The following FBRSL1 variants were observed in gnomAD, a reference collection of about 807,000 sequenced individuals.
The protein encoded by FBRSL1 is fibrosin like 1, also known as fibrosin-1-like protein.
Under a neutral mutation model 89.6 loss-of-function variants are expected in FBRSL1, and 51 were observed. That is an observed-to-expected ratio of 0.57 (90% CI 0.45 to 0.72). FBRSL1 has a LOEUF of 0.72. Ranked by LOEUF, FBRSL1 falls within the 30% of genes least tolerant of loss-of-function variation. The pLI is 0.00. For missense variants in FBRSL1, 1,618 were observed against 1,451.8 expected (o/e 1.11, Z -1.86); for synonymous variants, 779 against 681.1 (o/e 1.14, Z -2.24).
intron 2 of FBRSL1, among the ~76,000 whole-genome samples, chr12:132,517,380 C>A (rs371911232): frequency 2.6e-5 from 4 of 152,336 alleles, no homozygotes; most frequent in Admixed American, 6.5e-5. Context: ...CGTTCCGGGG[C>A]GAGCATGGCC....
At chr12:132,558,324 C>T (rs897930648) in intron 5 of FBRSL1, among the ~76,000 whole-genome samples, 2 of 152,248 alleles carry the variant, frequency 1.3e-5, no homozygotes, top group African/African-American at 4.8e-5. Flanking sequence ...CAGCCCAGCT[C>T]TGCCACAGAG....
rs1486346823 is a variant in FBRSL1 at position 132,576,852 on chromosome 12, C to T, written c.1755C>T (p.Phe585=). The T allele has an allele frequency of 2.3e-5, 36 of 1,550,860 alleles. No individual in the cohort carries two copies. The highest frequency in any genetic ancestry group is 2.0e-4 in the East Asian group (8 of 40,892). Residue 585 remains phenylalanine (F), a synonymous_variant, in exon 15 of 19, where the codon TTC becomes TTT. Transcript: ENST00000680143. ...KLEVGAKLDL[F]GRPPAPGVFA... Reference sequence around the variant, plus strand: ...AGGTGGGTGCAAAGCTGGACCTGTTCGGCAGACCCCCTGCCCCGGGCGTGT... The same window carrying T: ...AGGTGGGTGCAAAGCTGGACCTGTTTGGCAGACCCCCTGCCCCGGGCGTGT...
chr12:132,570,604 G>A (rs894426302), intron 8 of FBRSL1, 64 bp downstream of exon 8: 102 of 1,343,028 alleles, frequency 7.6e-5, no homozygotes, highest in South Asian at 4.9e-4. Context: ...CACGGCCACC[G>A]GGGAGGGGCG....
intron 1 of FBRSL1, among the ~76,000 whole-genome samples, chr12:132,502,506 C>G (rs980109329): frequency 2.6e-5 from 4 of 152,152 alleles, no homozygotes; most frequent in African/African-American, 4.8e-5. Context: ...GGACTGACCT[C>G]CAGGCCTGGC....
rs553458483 is a variant in FBRSL1, at chr12:132,509,023, G to A, written c.489+673G>A. 14 of 1,169,372 alleles carry A rather than the reference G, an allele frequency of 1.2e-5. No homozygotes were observed. In the South Asian group the frequency reaches 4.0e-4, roughly 34 times the overall value. The allele number at this position is 1,169,372 out of a possible 1,614,324, so 72.4% of individuals were successfully genotyped here. On this transcript the variant is annotated intron_variant, in intron 2 of 18. Transcript: ENST00000680143. Reference sequence around the variant, plus strand: ...CGCCTTCCTTCCAGGGTGGGGCTCTGCGCGGTGTCCTCGGCTCTCCTCGGC... The same window carrying A: ...CGCCTTCCTTCCAGGGTGGGGCTCTACGCGGTGTCCTCGGCTCTCCTCGGC...
intron 9 of FBRSL1, chr12:132,571,941 T>G: frequency 5.2e-6 from 2 of 383,366 alleles, no homozygotes. Flanking sequence ...TCGAGTTTTA[T>G]TCGGAAACTG....
intron 1 of FBRSL1, among the ~76,000 whole-genome samples, chr12:132,503,684 A>G (rs1173945238): frequency 6.6e-6 from 1 of 152,190 alleles, no homozygotes; most frequent in Non-Finnish European, 1.5e-5. Flanking sequence ...ACAGGCCACC[A>G]CAGGTCCCGG....
intron 1 of FBRSL1, among the ~76,000 whole-genome samples, chr12:132,495,108 AC>A (rs764911973): frequency 7.2e-5 from 11 of 152,172 alleles, no homozygotes; most frequent in Non-Finnish European, 1.5e-4. Flanking sequence ...GTTTTGAGAC[AC>A]GGCCCGTCGT....
chr12:132,555,214 T>C (rs1368871602), intron 5 of FBRSL1, among the ~76,000 whole-genome samples: 1 of 152,144 alleles, frequency 6.6e-6, no homozygotes, highest in Non-Finnish European at 1.5e-5. Flanking sequence ...AAACCTGTGC[T>C]GGGCACAGCT....
At chr12:132,515,268 C>T (rs1046851993) in intron 2 of FBRSL1, among the ~76,000 whole-genome samples, 4 of 152,176 alleles carry the variant, frequency 2.6e-5, no homozygotes, top group African/African-American at 9.7e-5. Context: ...GTGGGTGAAC[C>T]TGGAACCACC....
At chr12:132,513,517 C>T (rs367579990) in intron 2 of FBRSL1, among the ~76,000 whole-genome samples, 2 of 152,192 alleles carry the variant, frequency 1.3e-5, no homozygotes, top group Non-Finnish European at 2.9e-5. Flanking sequence ...CTGGGGCCTG[C>T]GTGCAGTGCT....
intron 4 of FBRSL1, among the ~76,000 whole-genome samples, chr12:132,542,510 C>A (rs2037352196): frequency 6.6e-6 from 1 of 152,354 alleles, no homozygotes; most frequent in South Asian, 2.1e-4. Flanking sequence ...GCTCAGGAAC[C>A]TTCATGCAGT....
chr12:132,513,892 G>T (rs765091853), intron 2 of FBRSL1, among the ~76,000 whole-genome samples: 2 of 152,188 alleles, frequency 1.3e-5, no homozygotes, highest in African/African-American at 2.4e-5. Flanking sequence ...GGGTGTGAGC[G>T]TGGGTGGGCT....
At chr12:132,540,641 C>A (rs576363862) in intron 4 of FBRSL1, among the ~76,000 whole-genome samples, 1 of 152,246 alleles carries the variant, frequency 6.6e-6, no homozygotes, top group South Asian at 2.1e-4. Flanking sequence ...GCCAGCCATC[C>A]CGTGGGCTTC....
chr12:132,529,620 CTTCTCT>C (rs1484702538), intron 4 of FBRSL1, among the ~76,000 whole-genome samples: 6 of 151,548 alleles, frequency 4.0e-5, no homozygotes, highest in African/African-American at 1.5e-4. Flanking sequence ...ACCCTGGGCT[CTTCTCT>C]GCCACCCTAA....
intron 5 of FBRSL1, among the ~76,000 whole-genome samples, chr12:132,563,393 ACCCCACATCTGGT>A (rs1310039616): frequency 9.0e-5 from 6 of 67,028 alleles, no homozygotes; most frequent in African/African-American, 3.6e-4. Flanking sequence ...CACAGCCTGC[ACCCCACATCTGGT>A]CCCCACAGCC....
chr12:132,560,936 T>G (rs1227663858), intron 5 of FBRSL1, among the ~76,000 whole-genome samples: 1 of 152,140 alleles, frequency 6.6e-6, no homozygotes, highest in Admixed American at 6.5e-5. Context: ...TTGGGTCATC[T>G]GGCCACTGCC....
intron 2 of FBRSL1, among the ~76,000 whole-genome samples, chr12:132,518,727 A>C: frequency 7.8e-6 from 1 of 128,326 alleles, no homozygotes; most frequent in African/African-American, 3.1e-5. Context: ...GGCATCCATC[A>C]TTCACCCCAT....
Position 132,497,600 on chromosome 12 carries a change from C to T in FBRSL1, c.291+6739C>T, listed in dbSNP as rs575210897. Among the ~76,000 whole-genome samples, 114 of 152,302 alleles carry T rather than the reference C, an allele frequency of 7.5e-4. 6 individuals carry two copies. The South Asian group carries it at 0.022, about 29-fold the overall frequency. Reference sequence around the variant, plus strand: ...CTCCTGCTTTCAGGAGCCCACGGGCCTGACCACCCTTCAGTGCCCCCAGGC... The same window carrying T: ...CTCCTGCTTTCAGGAGCCCACGGGCTTGACCACCCTTCAGTGCCCCCAGGC... On this transcript the variant is annotated intron_variant, in intron 1 of 18. Coordinates refer to ENST00000680143, the MANE Select transcript of FBRSL1 (RefSeq NM_001367871.1).
Sources: allele counts gnomAD v4.1 joint callset (sites outside exome capture counted in the v4.1 genomes callset), GRCh38; gene constraint gnomAD v4.1.1; transcripts MANE v1.5; gene names NCBI Gene and HGNC (gene_info 2026-07-23, HGNC 2026-07-21).